GRM7: variants seen among roughly 807,000 people sequenced by gnomAD.
The protein encoded by GRM7 is glutamate metabotropic receptor 7.
A neutral mutation model predicts 84.5 loss-of-function variants in GRM7; 35 were observed. That is an observed-to-expected ratio of 0.41 (90% CI 0.32 to 0.55). GRM7 has a LOEUF of 0.55. GRM7 is among the 20% of genes least tolerant of loss of function. The probability of loss-of-function intolerance (pLI) is 0.19; values close to 1 mark genes in which losing one functional copy is unlikely to be tolerated. For missense variants in GRM7, 1,003 were observed against 1,194.6 expected (o/e 0.84, Z 2.36); for synonymous variants, 487 against 455.1 (o/e 1.07, Z -0.89).
At chr3:6,947,566 C>A (rs1698136273) in intron 1 of GRM7, among the ~76,000 whole-genome samples, 1 of 152,186 alleles carries the variant, frequency 6.6e-6, no homozygotes, top group Non-Finnish European at 1.5e-5. Flanking sequence ...ATGCTGGCCT[C>A]ATAAAATGAG....
chr3:7,209,349 C>T (rs756293960), intron 2 of GRM7, among the ~76,000 whole-genome samples: 15 of 151,932 alleles, frequency 9.9e-5, no homozygotes, highest in Non-Finnish European at 7.4e-5. Context: ...CTGGAAAACC[C>T]CTAGGAACTT....
intron 8 of GRM7, among the ~76,000 whole-genome samples, chr3:7,620,647 T>G (rs539613249): frequency 2.0e-5 from 3 of 152,292 alleles, no homozygotes; most frequent in Non-Finnish European, 2.9e-5. Context: ...GTGGGTTTAT[T>G]TCCAAAATGA....
At chr3:7,440,006 C>T (rs1185804170) in intron 5 of GRM7, among the ~76,000 whole-genome samples, 1 of 152,120 alleles carries the variant, frequency 6.6e-6, no homozygotes, top group African/African-American at 2.4e-5. Flanking sequence ...GAGGAGTACT[C>T]GGTGTGGATT....
chr3:7,435,772 C>T (rs746123184), intron 5 of GRM7, among the ~76,000 whole-genome samples: 3 of 142,136 alleles, frequency 2.1e-5, no homozygotes, highest in Non-Finnish European at 4.5e-5. Flanking sequence ...ACTGCAAGAT[C>T]TGCCTGCCGG....
At chr3:7,316,816 A>T (rs568626056) in intron 4 of GRM7, among the ~76,000 whole-genome samples, 12 of 152,258 alleles carry the variant, frequency 7.9e-5, no homozygotes, top group African/African-American at 2.9e-4. Flanking sequence ...TTTATGGGAG[A>T]CATCTGGAAA....
intron 2 of GRM7, among the ~76,000 whole-genome samples, chr3:7,196,621 A>G (rs956849349): frequency 6.6e-6 from 1 of 152,054 alleles, no homozygotes; most frequent in African/African-American, 2.4e-5. Context: ...GTTTCTTCTC[A>G]TCCTTCAATC....
chr3:7,403,084 C>A, intron 4 of GRM7: 3 of 403,252 alleles, frequency 7.4e-6, no homozygotes, highest in East Asian at 7.3e-5. Flanking sequence ...CATGGTTCTT[C>A]TATAGTTATT....
At chr3:7,604,015 T>A (rs1696445149) in intron 8 of GRM7, among the ~76,000 whole-genome samples, 1 of 152,142 alleles carries the variant, frequency 6.6e-6, no homozygotes, top group African/African-American at 2.4e-5. Flanking sequence ...AGAATTTATC[T>A]TTTTGTCTAT....
intron 1 of GRM7, among the ~76,000 whole-genome samples, chr3:7,064,156 T>C (rs1389880137): frequency 9.2e-5 from 14 of 151,468 alleles, no homozygotes; most frequent in Non-Finnish European, 1.8e-4. Context: ...AGTTCTTTAG[T>C]GGTGATTTGT....
intron 7 of GRM7, among the ~76,000 whole-genome samples, chr3:7,470,690 T>C (rs993479972): frequency 1.3e-5 from 2 of 152,168 alleles, no homozygotes; most frequent in African/African-American, 2.4e-5. Context: ...GCCATTACTA[T>C]CTGCATTTTG....
At chr3:7,395,685 A>G (rs1168920817) in intron 4 of GRM7, among the ~76,000 whole-genome samples, 2 of 152,178 alleles carry the variant, frequency 1.3e-5, no homozygotes, top group South Asian at 4.1e-4. Flanking sequence ...GCCTGCTGCC[A>G]TGTAAGATAT....
At chr3:6,992,914 G>A (rs1017721201) in intron 1 of GRM7, among the ~76,000 whole-genome samples, 4 of 152,198 alleles carry the variant, frequency 2.6e-5, no homozygotes, top group Admixed American at 6.5e-5. Flanking sequence ...ACAGATCAGG[G>A]CAGAGAAAGA....
chr3:7,513,396 C>A (rs1036681471), intron 7 of GRM7, among the ~76,000 whole-genome samples: 2 of 152,016 alleles, frequency 1.3e-5, no homozygotes, highest in Admixed American at 6.6e-5. Context: ...CAAGATAAAA[C>A]CTTTTTTTTT....
intron 2 of GRM7, among the ~76,000 whole-genome samples, chr3:7,175,076 T>G (rs986602352): frequency 6.6e-6 from 1 of 152,084 alleles, no homozygotes; most frequent in Non-Finnish European, 1.5e-5. Context: ...GAAAAGGAGA[T>G]GAATGGAGAA....
intron 1 of GRM7, among the ~76,000 whole-genome samples, chr3:6,957,314 T>C (rs1479649020): frequency 1.3e-5 from 2 of 152,216 alleles, no homozygotes; most frequent in East Asian, 3.9e-4. Context: ...CTTGTCAGCT[T>C]GCTGAGGGCA....
chr3:7,275,402 C>T (rs1017368503), intron 2 of GRM7, among the ~76,000 whole-genome samples: 1 of 152,094 alleles, frequency 6.6e-6, no homozygotes, highest in African/African-American at 2.4e-5. Context: ...GTAAATAGGC[C>T]TTTACTAATA....
At chr3:7,084,707 C>A (rs1267562835) in intron 1 of GRM7, among the ~76,000 whole-genome samples, 1 of 152,028 alleles carries the variant, frequency 6.6e-6, no homozygotes, top group Non-Finnish European at 1.5e-5. Flanking sequence ...ATATTCAAGT[C>A]TGGAGTCACT....
At chr3:7,618,290 G>A (rs1203269274) in intron 8 of GRM7, among the ~76,000 whole-genome samples, 1 of 152,064 alleles carries the variant, frequency 6.6e-6, no homozygotes, top group Admixed American at 6.6e-5. Context: ...GGGTTAGTGT[G>A]ATCATTAAAT....
At chr3:7,053,527 A>G (rs1697087624) in intron 1 of GRM7, among the ~76,000 whole-genome samples, 1 of 151,722 alleles carries the variant, frequency 6.6e-6, no homozygotes, top group Non-Finnish European at 1.5e-5. Flanking sequence ...ATTAATGTCT[A>G]TAATTCACTT....
Sources: gnomAD v4.1 joint callset for allele counts (sites outside exome capture counted in the v4.1 genomes callset) on GRCh38, gnomAD v4.1.1 for gene constraint, MANE v1.5 for transcripts, NCBI Gene and HGNC (gene_info 2026-07-23, HGNC 2026-07-21) for gene names.